SLC25A48: variants seen among roughly 807,000 people sequenced by gnomAD.
SLC25A48 encodes solute carrier family 25 member 48, also known as CTC-321K16.1.
In SLC25A48, 29 loss-of-function variants were observed where a neutral mutation model predicts 32.2. The observed-to-expected ratio is 0.90, with a 90% confidence interval of 0.67 to 1.23. The LOEUF is 1.23. SLC25A48 is among the 50% of genes most tolerant of loss of function. The pLI is 0.00. For synonymous variants in SLC25A48, 164 were observed against 172.3 expected, an observed-to-expected ratio of 0.95 and a Z score of 0.38; for missense variants, 399 against 422.7, an observed-to-expected ratio of 0.94 and a Z score of 0.49.
intron 4 of SLC25A48, among the ~76,000 whole-genome samples, chr5:135,856,417 G>A (rs1760323938): frequency 6.6e-6 from 1 of 152,272 alleles, no homozygotes; most frequent in Admixed American, 6.5e-5. Context: ...ATGTATCATG[G>A]TCAGAGCCCC....
chr5:135,737,079 A>G (rs182637801), intron 3 of SLC25A48, among the ~76,000 whole-genome samples: 3 of 152,346 alleles, frequency 2.0e-5, no homozygotes, highest in Non-Finnish European at 4.4e-5. Flanking sequence ...TCCGAGTCAC[A>G]GCACCAAATT....
At chr5:135,753,039 C>G (rs1415412784) in intron 3 of SLC25A48, among the ~76,000 whole-genome samples, 1 of 152,022 alleles carries the variant, frequency 6.6e-6, no homozygotes, top group African/African-American at 2.4e-5. Flanking sequence ...ATATATTATG[C>G]ATAATATCAC....
At chr5:135,794,669 T>C (rs916175557) in intron 3 of SLC25A48, among the ~76,000 whole-genome samples, 1 of 151,184 alleles carries the variant, frequency 6.6e-6, no homozygotes, top group Non-Finnish European at 1.5e-5. Flanking sequence ...ACCCCTGTGA[T>C]ATTGTATCTA....
At chr5:135,704,438 G>C (rs1754463819) in intron 3 of SLC25A48, among the ~76,000 whole-genome samples, 1 of 152,198 alleles carries the variant, frequency 6.6e-6, no homozygotes, top group African/African-American at 2.4e-5. Context: ...CATCTTAAAG[G>C]AGAGAAAGCT....
At chr5:135,713,467 T>G (rs1036930301) in intron 3 of SLC25A48, among the ~76,000 whole-genome samples, 1 of 152,154 alleles carries the variant, frequency 6.6e-6, no homozygotes, top group African/African-American at 2.4e-5. Flanking sequence ...ATTGGAAAAT[T>G]GTTTAGTAGC....
intron 2 of SLC25A48, 117 bp from the exon 3 acceptor site, chr5:135,850,308 C>G (rs1464100206): frequency 2.0e-6 from 2 of 1,018,744 alleles, no homozygotes; most frequent in Admixed American, 1.8e-5. Context: ...GGACTGAAAC[C>G]CAGACCCTTT....
intron 3 of SLC25A48, among the ~76,000 whole-genome samples, chr5:135,717,997 CT>C (rs1754847573): frequency 6.8e-6 from 1 of 147,728 alleles, no homozygotes; most frequent in African/African-American, 2.5e-5. Flanking sequence ...TAATTGTGGG[CT>C]TGAGACTCCT....
At chr5:135,776,477 C>T (rs953165315) in intron 3 of SLC25A48, among the ~76,000 whole-genome samples, 2 of 151,756 alleles carry the variant, frequency 1.3e-5, no homozygotes, top group African/African-American at 2.4e-5. Context: ...GTGTACAGCC[C>T]TTTGTGATAT....
At chr5:135,845,562 C>A (rs1437187682) in intron 2 of SLC25A48, among the ~76,000 whole-genome samples, 1 of 152,164 alleles carries the variant, frequency 6.6e-6, no homozygotes. Context: ...AACTGGAAAT[C>A]CAGTCCTGGC....
upstream of SLC25A48, chr5:135,834,652 C>T: frequency 1.7e-6 from 1 of 595,588 alleles, no homozygotes; most frequent in South Asian, 2.3e-5. Context: ...TGATGTCAGC[C>T]GCCCTCCGGC....
At chr5:135,687,152 T>A (rs17679939) in intron 3 of SLC25A48, among the ~76,000 whole-genome samples, 1 of 152,192 alleles carries the variant, frequency 6.6e-6, no homozygotes, top group Non-Finnish European at 1.5e-5. Context: ...CCAGGGAGAC[T>A]GAAAGAATTC....
chr5:135,778,975 A>C (rs1271555315), intron 3 of SLC25A48, among the ~76,000 whole-genome samples: 1 of 151,454 alleles, frequency 6.6e-6, no homozygotes, highest in Non-Finnish European at 1.5e-5. Context: ...TATTTCCCCA[A>C]ATATCACATA....
rs988179876 is a variant in SLC25A48 at position 135,874,715 on chromosome 5, G to A, written c.813+561G>A. The A allele has an allele frequency of 4.3e-6, 3 of 702,310 alleles. No homozygotes were observed. In the East Asian group the frequency reaches 8.1e-5, roughly 19 times the overall value. The allele number at this position is 702,310 out of a possible 1,614,324, so 43.5% of individuals were successfully genotyped here. A position where few individuals can be genotyped will look rare whatever the true frequency, so the allele number is the denominator to read the frequency against. ...CTGTGTCTCCTCTGTTCTTCCTACAGCTCAAGAGCTTAACTTAACACACAC... is the reference window on the plus strand; with the variant it reads ...CTGTGTCTCCTCTGTTCTTCCTACAACTCAAGAGCTTAACTTAACACACAC... On this transcript the variant is annotated intron_variant, in intron 6 of 7. Transcript: ENST00000681962.
At chr5:135,616,700 GA>G (rs1327045385) in intron 1 of SLC25A48, among the ~76,000 whole-genome samples, 1 of 152,216 alleles carries the variant, frequency 6.6e-6, no homozygotes, top group Non-Finnish European at 1.5e-5. Context: ...AATGATTCAA[GA>G]CTTGGAGAAC....
chr5:135,697,983 T>C (rs1448131094), intron 3 of SLC25A48, among the ~76,000 whole-genome samples: 1 of 152,204 alleles, frequency 6.6e-6, no homozygotes, highest in East Asian at 1.9e-4. Context: ...GCCCTGGACC[T>C]ACCACCCCAA....
chr5:135,761,369 G>A (rs1439286423), intron 3 of SLC25A48, among the ~76,000 whole-genome samples: 1 of 152,044 alleles, frequency 6.6e-6, no homozygotes, highest in Non-Finnish European at 1.5e-5. Flanking sequence ...GTTAATGGGT[G>A]CAGCACACCA....
chr5:135,825,243 AAGC>A (rs1168402982), intron 4 of SLC25A48: 3 of 152,202 alleles, frequency 2.0e-5, no homozygotes, highest in Non-Finnish European at 2.9e-5. Flanking sequence ...CCTATAAAAC[AAGC>A]CGTACTATTA....
At chr5:135,819,164 A>T (rs1189267612) in intron 4 of SLC25A48, among the ~76,000 whole-genome samples, 5 of 152,100 alleles carry the variant, frequency 3.3e-5, no homozygotes, top group South Asian at 4.1e-4. Context: ...AAAAAAAAAA[A>T]TTTGACAAAA....
At chr5:135,743,305 C>T (rs1755553676) in intron 3 of SLC25A48, among the ~76,000 whole-genome samples, 2 of 151,284 alleles carry the variant, frequency 1.3e-5, no homozygotes, top group Admixed American at 1.3e-4. Context: ...CTCCCGACCT[C>T]AAGTGATCCA....
Sources: allele counts gnomAD v4.1 joint callset (sites outside exome capture counted in the v4.1 genomes callset), GRCh38; gene constraint gnomAD v4.1.1; transcripts MANE v1.5; gene names NCBI Gene and HGNC (gene_info 2026-07-23, HGNC 2026-07-21).